HYDIN: variants seen among roughly 807,000 people sequenced by gnomAD.
HYDIN encodes axonemal central pair apparatus protein HYDIN.
In HYDIN, 132 loss-of-function variants were observed where a neutral mutation model predicts 403.9. The observed-to-expected ratio is 0.33, with a 90% CI of 0.28 to 0.38. The LOEUF (loss-of-function observed/expected upper bound fraction) is 0.38, where lower values mean the gene tolerates loss of function less well. Among genes scored for constraint, HYDIN ranks in the 10% least tolerant of loss-of-function variants. The pLI is 1.00. For missense variants in HYDIN, 2,827 were observed against 5,009.5 expected, an observed-to-expected ratio of 0.56 and a Z score of 13.15; for synonymous variants, 1,202 against 1,891.7, an observed-to-expected ratio of 0.64 and a Z score of 9.46.
intron 8 of HYDIN, among the ~76,000 whole-genome samples, chr16:71,134,443 G>A (rs1325918745): frequency 7.9e-5 from 12 of 152,352 alleles, no homozygotes; most frequent in South Asian, 2.1e-4. Context: ...AGAGAATAAC[G>A]CCTGATTCAG....
chr16:71,003,799 A>T (rs2079801500), intron 23 of HYDIN, among the ~76,000 whole-genome samples: 2 of 139,864 alleles, frequency 1.4e-5, no homozygotes, highest in African/African-American at 5.3e-5. Flanking sequence ...ACTCCATCTC[A>T]AAAAAAAAAA....
intron 1 of HYDIN, among the ~76,000 whole-genome samples, chr16:71,199,791 A>C (rs987958): frequency 4.0e-5 from 6 of 151,766 alleles, no homozygotes; most frequent in African/African-American, 1.5e-4. Flanking sequence ...GAATTTTTTT[A>C]AAAAAATTTG....
At chr16:71,071,030 A>G (rs1446942672) in intron 13 of HYDIN, among the ~76,000 whole-genome samples, 1 of 151,952 alleles carries the variant, frequency 6.6e-6, no homozygotes, top group Non-Finnish European at 1.5e-5. Context: ...AGGCAGCTTC[A>G]CAATCATGCT....
intron 1 of HYDIN, among the ~76,000 whole-genome samples, chr16:71,220,929 C>G (rs1229269385): frequency 6.6e-6 from 1 of 152,132 alleles, no homozygotes; most frequent in Non-Finnish European, 1.5e-5. Context: ...TCAAAAGCAT[C>G]AAAAAGCTAA....
At chr16:70,974,951 T>G (rs1231498296) in intron 31 of HYDIN, among the ~76,000 whole-genome samples, 185 bp downstream of exon 31, 1 of 152,122 alleles carries the variant, frequency 6.6e-6, no homozygotes, top group Non-Finnish European at 1.5e-5. Flanking sequence ...GTTCTCACTC[T>G]AAGAGGCAGA....
chr16:71,129,909 A>G, intron 8 of HYDIN, 86 bp from the exon 9 acceptor site: 1 of 1,539,836 alleles, frequency 6.5e-7, no homozygotes, highest in Non-Finnish European at 8.8e-7. Context: ...CTCCTCCTGG[A>G]AATGTCCTCA....
chr16:71,161,584 A>G (rs1159752838), intron 6 of HYDIN, among the ~76,000 whole-genome samples: 1 of 152,218 alleles, frequency 6.6e-6, no homozygotes, highest in Non-Finnish European at 1.5e-5. Context: ...AGCCAGCAAC[A>G]GCAGATTGAG....
At chr16:71,178,464 TACACACACACATAC>T (rs2086773501) in intron 4 of HYDIN, among the ~76,000 whole-genome samples, 1 of 146,096 alleles carries the variant, frequency 6.8e-6, no homozygotes, top group Non-Finnish European at 1.5e-5. Flanking sequence ...TATATATATA[TACACACACACATAC>T]ATATATATAT....
chr16:71,189,723 C>G (rs1259678486), intron 1 of HYDIN, among the ~76,000 whole-genome samples: 1 of 149,152 alleles, frequency 6.7e-6, no homozygotes, highest in Non-Finnish European at 1.5e-5. Context: ...GCCGTGATGG[C>G]GCCACTACAC....
chr16:70,926,614 T>TA (rs369183215), intron 45 of HYDIN, among the ~76,000 whole-genome samples: 22 of 145,028 alleles, frequency 1.5e-4, no homozygotes, highest in East Asian at 1.0e-3. Context: ...AGTATAATAA[T>TA]AAAAAAAAAA....
Position 71,069,440 on chromosome 16 carries a change from G to A in HYDIN, c.1801C>T (p.Leu601=). ...CCAAGGCCATCCCCAGGGATACGCA[G>A]TTTGTAAGTCATGGGGATCAAAGAG... The part of the protein sequence containing the change: ...NTSLIPMTYK[L]RIPGDGLGHK... The change falls in exon 14 of 86, where the codon CTG becomes TTG. Residue 601 remains leucine, a synonymous_variant. Coordinates refer to ENST00000393567, the MANE Select transcript of HYDIN (RefSeq NM_001270974.2). 1 of 1,613,990 alleles carries A rather than the reference G, an allele frequency of 6.2e-7. No homozygotes were observed. The highest frequency in any genetic ancestry group is 1.1e-5 in the South Asian group (1 of 91,066).
chr16:71,069,347 T>G lies in HYDIN; in HGVS notation c.1894A>C (p.Ile632Leu). The change falls in exon 14 of 86, where the codon ATA (isoleucine) becomes CTA (leucine). Residue 632 changes from isoleucine (I) to leucine (L), a missense_variant. Physicochemically the swap from Ile to Leu is conservative, Grantham distance 5. Transcript: ENST00000393567. ...AATTCTTTTGGTTTCATTGAGGATA[T>G]TTCTTCCTTGGTCCAAGATGGTCTT... ...YKRPSWTKEE[I>L]SSMKPKEFTI... 6.2e-7 allele frequency: 1 copy of G among 1,614,112 alleles called. No homozygotes were observed.
rs1271831328 is a variant in HYDIN, at chr16:70,862,119, C to T, written c.11706G>A (p.Gly3902=). The part of the protein sequence containing the change: ...VEPSSGIVPV[G]KIQKFKVKFS... The stretch of plus-strand genomic sequence containing the variant: ...ATTTTACTTTGAACTTCTGAATCTT[C>T]CCCACCGGCACGATTCCCGAAGAGG... The change falls in exon 69 of 86, where the codon GGG becomes GGA. Residue 3902 remains glycine (G), a synonymous_variant. Coordinates refer to ENST00000393567, the MANE Select transcript of HYDIN (RefSeq NM_001270974.2). 6.2e-7 allele frequency: 1 copy of T among 1,612,210 alleles called. No homozygotes were observed. The highest frequency in any genetic ancestry group is 8.5e-7 in the Non-Finnish European group (1 of 1,179,232).
At chr16:70,829,084 C>T (rs8062488) in intron 81 of HYDIN, among the ~76,000 whole-genome samples, 2,895 of 96,810 alleles carry the variant, frequency 0.03, 181 homozygotes, top group African/African-American at 0.12. Context: ...CCTGGCTCTA[C>T]GAGAATCCCT....
chr16:71,080,190 T>G (rs1398731031), intron 12 of HYDIN: 1 of 305,878 alleles, frequency 3.3e-6, no homozygotes, highest in Non-Finnish European at 6.1e-6. Flanking sequence ...ATTATCTTAT[T>G]TCTACCAATG....
intron 12 of HYDIN, among the ~76,000 whole-genome samples, chr16:71,082,623 C>T (rs1309707723): frequency 1.3e-5 from 2 of 151,432 alleles, no homozygotes; most frequent in African/African-American, 2.4e-5. Context: ...ACTAACTAGT[C>T]GAAGTTCACT....
chr16:70,892,063 A>C (rs1275916318), intron 56 of HYDIN, among the ~76,000 whole-genome samples, 179 bp from the exon 57 acceptor site: 2 of 152,170 alleles, frequency 1.3e-5, no homozygotes, highest in Non-Finnish European at 2.9e-5. Flanking sequence ...GGGTCAACTT[A>C]GCCAACTTTT....
At chr16:71,141,238 A>G (rs1041984775) in intron 7 of HYDIN, among the ~76,000 whole-genome samples, 1 of 150,710 alleles carries the variant, frequency 6.6e-6, no homozygotes, top group African/African-American at 2.4e-5. Context: ...GTATAAAGAC[A>G]TATTTGTAAA....
At chr16:71,130,365 T>C (rs1413195517) in intron 8 of HYDIN, among the ~76,000 whole-genome samples, 1 of 151,746 alleles carries the variant, frequency 6.6e-6, no homozygotes, top group East Asian at 1.9e-4. Context: ...CTTCTCCTTC[T>C]AGAGACCACA....
Sources: gnomAD v4.1 joint callset for allele counts (sites outside exome capture counted in the v4.1 genomes callset) on GRCh38, gnomAD v4.1.1 for gene constraint, MANE v1.5 for transcripts, NCBI Gene and HGNC (gene_info 2026-07-23, HGNC 2026-07-21) for gene names.